HEPHL1: variants seen among roughly 807,000 people sequenced by gnomAD.
HEPHL1 encodes ferroxidase HEPHL1.
Under a neutral mutation model 122.0 loss-of-function variants are expected in HEPHL1, and 123 were observed. The observed-to-expected ratio is 1.01, with a 90% CI of 0.87 to 1.17. The LOEUF (loss-of-function observed/expected upper bound fraction) is 1.17, where lower values mean the gene tolerates loss of function less well. Ranked by LOEUF, HEPHL1 falls within the 50% of genes most tolerant of loss-of-function variation. HEPHL1 has a pLI of 0.00. For missense variants in HEPHL1, 1,452 were observed against 1,430.5 expected (o/e 1.01, Z -0.24); for synonymous variants, 527 against 508.9 (o/e 1.04, Z -0.48).
chr11:94,025,176 C>T (rs138933849), intron 1 of HEPHL1, among the ~76,000 whole-genome samples: 3 of 152,124 alleles, frequency 2.0e-5, no homozygotes, highest in African/African-American at 2.4e-5. Flanking sequence ...TTATAGGGTT[C>T]AAAAATATAA....
chr11:94,021,933 G>A (rs1315373187), intron 1 of HEPHL1, among the ~76,000 whole-genome samples: 6 of 152,116 alleles, frequency 3.9e-5, no homozygotes, highest in Non-Finnish European at 8.8e-5. Context: ...TTCTTAGTTT[G>A]TATTTCTGGA....
At chr11:94,082,363 C>T (rs1422260479) in intron 9 of HEPHL1, 55 bp from the exon 10 acceptor site, 7 of 1,355,282 alleles carry the variant, frequency 5.2e-6, no homozygotes, top group Non-Finnish European at 7.1e-6. Flanking sequence ...GAAAGCAATT[C>T]TGTGAATTCC....
Position 94,112,172 on chromosome 11 carries a change from G to A in HEPHL1, c.*278G>A. On this transcript the variant is annotated 3_prime_UTR_variant, in exon 20 of 20. Coordinates refer to ENST00000315765, the MANE Select transcript of HEPHL1 (RefSeq NM_001098672.2). The stretch of plus-strand genomic sequence containing the variant: ...AGTCTATTCTTTGGTTGGATTCACT[G>A]AATAGGAGACACTCTGAAAGATATC... The A allele has an allele frequency of 3.3e-6, 1 of 299,426 alleles. No individual in the cohort carries two copies. Among genetic ancestry groups the A allele is most frequent in the African/African-American group, 2.1e-5 (1 of 46,638 alleles). 18.5% of individuals were successfully genotyped at this position (299,426 alleles called of 1,614,324 possible). A position where few individuals can be genotyped will look rare whatever the true frequency, so the allele number is the denominator to read the frequency against.
intron 1 of HEPHL1, among the ~76,000 whole-genome samples, chr11:94,035,172 G>A (rs1256420385): frequency 1.3e-5 from 2 of 152,142 alleles, no homozygotes; most frequent in Non-Finnish European, 2.9e-5. Context: ...CCTTTCTCAA[G>A]CTCTTCCTTC....
At chr11:94,061,204 C>G (rs1476698585) in intron 2 of HEPHL1, among the ~76,000 whole-genome samples, 1 of 152,078 alleles carries the variant, frequency 6.6e-6, no homozygotes, top group Non-Finnish European at 1.5e-5. Flanking sequence ...CATTTGCAAT[C>G]TTCTTGAGAT....
intron 2 of HEPHL1, among the ~76,000 whole-genome samples, chr11:94,063,062 T>TAATGATACGG: frequency 6.6e-6 from 1 of 150,798 alleles, no homozygotes; most frequent in Admixed American, 6.6e-5. Context: ...TACACTTCCT[T>TAATGATACGG]CCTATCTCTC....
At chr11:94,032,176 C>T (rs1169817338) in intron 1 of HEPHL1, among the ~76,000 whole-genome samples, 3 of 152,176 alleles carry the variant, frequency 2.0e-5, no homozygotes, top group Non-Finnish European at 2.9e-5. Context: ...TGAATTTTAT[C>T]CACCCTGAAA....
chr11:94,097,874 C>T (rs1009789015), intron 13 of HEPHL1, among the ~76,000 whole-genome samples: 1 of 152,248 alleles, frequency 6.6e-6, no homozygotes, highest in South Asian at 2.1e-4. Flanking sequence ...CTTAGTAGAT[C>T]TTCCTTCATC....
intron 2 of HEPHL1, 113 bp downstream of exon 2, chr11:94,046,030 T>C: frequency 1.2e-6 from 1 of 857,502 alleles, no homozygotes; most frequent in South Asian, 1.8e-5. Context: ...ATTTATCTTC[T>C]CTCTGTCTGC....
chr11:94,026,324 C>T (rs530302134), intron 1 of HEPHL1, among the ~76,000 whole-genome samples: 1 of 152,296 alleles, frequency 6.6e-6, no homozygotes, highest in East Asian at 1.9e-4. Flanking sequence ...TACTCATAGC[C>T]ACAAAGAGGA....
Position 94,073,075 on chromosome 11 carries a change from A to G in HEPHL1, c.1283A>G (p.Tyr428Cys), listed in dbSNP as rs1946090084. The change falls in exon 7 of 20, where the codon TAC becomes TGC. Residue 428 changes from tyrosine to cysteine, a missense_variant. Coordinates refer to ENST00000315765, the MANE Select transcript of HEPHL1 (RefSeq NM_001098672.2). ...GGGGACAACAGAATAGGAGGAAAAT[A>G]CTGGAAGGTTCGGTATACTGAATTT... ...TQGDNRIGGK[Y>C]WKVRYTEFVD... The G allele has an allele frequency of 1.9e-6, 3 of 1,613,004 alleles. No homozygotes were observed. Among genetic ancestry groups the G allele is most frequent in the African/African-American group, 1.3e-5 (1 of 75,000 alleles).
chr11:94,082,847 A>C (rs1263821370), intron 10 of HEPHL1, among the ~76,000 whole-genome samples: 1 of 152,168 alleles, frequency 6.6e-6, no homozygotes, highest in Non-Finnish European at 1.5e-5. Context: ...CTGTAATCCC[A>C]GCACTTTGGG....
intron 8 of HEPHL1, among the ~76,000 whole-genome samples, chr11:94,073,789 T>G (rs1946098480): frequency 6.6e-6 from 1 of 152,174 alleles, no homozygotes; most frequent in East Asian, 1.9e-4. Context: ...CAGTTGCAGG[T>G]TGCATAGGAT....
intron 5 of HEPHL1, among the ~76,000 whole-genome samples, chr11:94,069,954 G>A (rs1313839268): frequency 6.6e-6 from 1 of 152,124 alleles, no homozygotes; most frequent in Non-Finnish European, 1.5e-5. Context: ...TACCAACACT[G>A]AGAATTATTA....
intron 4 of HEPHL1, among the ~76,000 whole-genome samples, chr11:94,067,055 C>T (rs546266337): frequency 4.1e-4 from 62 of 152,234 alleles, no homozygotes; most frequent in African/African-American, 1.4e-3. Flanking sequence ...TACTATGTGC[C>T]AGTTTTTCTG....
At chr11:94,036,683 C>T (rs1381619336) in intron 1 of HEPHL1, among the ~76,000 whole-genome samples, 2 of 151,864 alleles carry the variant, frequency 1.3e-5, no homozygotes, top group African/African-American at 4.8e-5. Context: ...AAACAAAATA[C>T]AAAAAATTAG....
At chr11:94,111,497 C>T (rs558822154) in intron 18 of HEPHL1, 40 bp from the exon 19 acceptor site, 1 of 1,467,952 alleles carries the variant, frequency 6.8e-7, no homozygotes, top group African/African-American at 1.4e-5. Context: ...GAATCCCCTT[C>T]TGTTGTTAAT....
chr11:94,112,812 T>A lies in HEPHL1; in HGVS notation c.*918T>A, dbSNP rs1565365594. 1 of 152,174 alleles carries A rather than the reference T, an allele frequency of 6.6e-6. No homozygotes were observed. Among genetic ancestry groups the A allele is most frequent in the Non-Finnish European group, 1.5e-5 (1 of 68,026 alleles). The allele number at this position is 152,174 out of a possible 1,614,324, so 9.4% of individuals were successfully genotyped here. A position where few individuals can be genotyped will look rare whatever the true frequency, so the allele number is the denominator to read the frequency against. Reference sequence around the variant, plus strand: ...GGCAAGTCTGGGCTTGAATTTGGAGTCTGATTTTTCATTCAGTTAGAGGGA... The same window carrying A: ...GGCAAGTCTGGGCTTGAATTTGGAGACTGATTTTTCATTCAGTTAGAGGGA... On this transcript the variant is annotated 3_prime_UTR_variant, in exon 20 of 20. Transcript: ENST00000315765.
rs766295918 is a variant in HEPHL1 at position 94,104,607 on chromosome 11, T to C, written c.2762T>C (p.Val921Ala). ...AATGAAAAGGGAAGAAGAAGTGACG[T>C]TGATTATGAATTTGCTCTCTTGTTT... is the stretch of plus-strand genomic sequence containing the variant. ...VLNEKGRRSDVDYEFALLFLV... is the reference protein window; with the variant it reads ...VLNEKGRRSDADYEFALLFLV... The change falls in exon 16 of 20, where the codon GTT (valine) becomes GCT (alanine). Residue 921 changes from valine (V) to alanine (A), a missense_variant. Physicochemically the swap from Val to Ala is moderately conservative, Grantham distance 64. Transcript: ENST00000315765. 18 of 1,613,798 alleles carry C rather than the reference T, an allele frequency of 1.1e-5. No individual in the cohort carries two copies. The highest frequency in any genetic ancestry group is 2.2e-5 in the East Asian group (1 of 44,888).
Sources: gnomAD v4.1 joint callset for allele counts (sites outside exome capture counted in the v4.1 genomes callset) on GRCh38, gnomAD v4.1.1 for gene constraint, MANE v1.5 for transcripts, NCBI Gene and HGNC (gene_info 2026-07-23, HGNC 2026-07-21) for gene names.